SNX29: variants seen among roughly 807,000 people sequenced by gnomAD.
SNX29 encodes the protein sorting nexin 29.
SNX29 carries 78 observed loss-of-function variants against 102.1 expected under a neutral mutation model. That is an observed-to-expected ratio of 0.76 (90% confidence interval 0.64 to 0.92). SNX29 has a LOEUF of 0.92. SNX29 is among the 40% of genes least tolerant of loss of function. SNX29 has a pLI of 0.00. For missense variants in SNX29, 1,280 were observed against 1,061.7 expected (o/e 1.21, Z -2.86); for synonymous variants, 580 against 414.5 (o/e 1.40, Z -4.85).
At chr16:12,431,689 A>C (rs907838080) in intron 18 of SNX29, among the ~76,000 whole-genome samples, 1 of 152,174 alleles carries the variant, frequency 6.6e-6, no homozygotes, top group Non-Finnish European at 1.5e-5. Context: ...GGAAATGATC[A>C]TGAAGAAAAC....
chr16:12,052,092 A>C lies in SNX29; in HGVS notation c.994A>C (p.Asn332His). 2.5e-6 allele frequency: 4 copies of C among 1,613,986 alleles called. No individual in the cohort carries two copies. Among genetic ancestry groups the C allele is most frequent in the Non-Finnish European group, 2.5e-6 (3 of 1,179,864 alleles). The stretch of plus-strand genomic sequence containing the variant: ...ATGGAAAATTGATTCCCTGTCTTTG[A>C]ACGGGGAGTTTGGGTACCAGAAGCT... ...NSWKIDSLSLNGEFGYQKLDV... is the reference protein window; with the variant it reads ...NSWKIDSLSLHGEFGYQKLDV... The change falls in exon 8 of 21, where the codon AAC (asparagine) becomes CAC (histidine). Residue 332 changes from asparagine to histidine, a missense_variant. By Grantham distance (68) the Asn-to-His change is moderately conservative. Coordinates refer to ENST00000566228, the MANE Select transcript of SNX29 (RefSeq NM_032167.5).
In SNX29 at chr16:12,571,581, C is replaced by G. The variant is rs1473964710; in HGVS notation, c.*2952C>G. ...CACCGAATCCTTCTGTCTTCATGGC[C>G]TGCTGTGCTGAAACAGAACAGCAGG... On this transcript the variant is annotated 3_prime_UTR_variant, in exon 21 of 21. Coordinates refer to ENST00000566228, the MANE Select transcript of SNX29 (RefSeq NM_032167.5). 1.1e-5 allele frequency: 12 copies of G among 1,046,754 alleles called. No homozygotes were observed. The African/African-American group carries it at 1.7e-4, about 14-fold the overall frequency. The allele number at this position is 1,046,754 out of a possible 1,614,324, so 64.8% of individuals were successfully genotyped here. A position where few individuals can be genotyped will look rare whatever the true frequency, so the allele number is the denominator to read the frequency against.
At chr16:12,157,643 A>G (rs2055608178) in intron 13 of SNX29, among the ~76,000 whole-genome samples, 2 of 152,192 alleles carry the variant, frequency 1.3e-5, no homozygotes, top group East Asian at 3.8e-4. Context: ...TTTTCAGATG[A>G]AAAAGCAGAG....
chr16:12,512,297 G>C (rs746391105), intron 19 of SNX29, among the ~76,000 whole-genome samples: 2 of 147,614 alleles, frequency 1.4e-5, no homozygotes, highest in Non-Finnish European at 3.0e-5. Flanking sequence ...GATGGTGAGG[G>C]CCCTTGAGTG....
At chr16:12,411,252 C>T (rs942540476) in intron 18 of SNX29, among the ~76,000 whole-genome samples, 27 of 152,178 alleles carry the variant, frequency 1.8e-4, no homozygotes, top group Admixed American at 1.4e-3. Flanking sequence ...CTGAGGCAGC[C>T]GTTTGCTGTT....
At chr16:12,019,328 C>T (rs1342047271) in intron 3 of SNX29, among the ~76,000 whole-genome samples, 5 of 152,074 alleles carry the variant, frequency 3.3e-5, no homozygotes, top group Non-Finnish European at 5.9e-5. Context: ...CTGCTTCAGC[C>T]TCCCGAGTAG....
At chr16:12,489,706 T>C (rs897833807) in intron 19 of SNX29, among the ~76,000 whole-genome samples, 1 of 152,238 alleles carries the variant, frequency 6.6e-6, no homozygotes, top group African/African-American at 2.4e-5. Flanking sequence ...TTTTCTTTTG[T>C]GATTGGTGAC....
intron 15 of SNX29, among the ~76,000 whole-genome samples, chr16:12,316,414 G>A (rs781337575): frequency 1.4e-4 from 21 of 152,124 alleles, no homozygotes; most frequent in Non-Finnish European, 2.5e-4. Flanking sequence ...GTGGTGGCAG[G>A]CACCTGTAAT....
chr16:12,495,256 A>G (rs550853084), intron 19 of SNX29, among the ~76,000 whole-genome samples: 2 of 152,146 alleles, frequency 1.3e-5, no homozygotes, highest in East Asian at 1.9e-4. Flanking sequence ...GGTTCAAGCA[A>G]TCCTCCTGCC....
At chr16:12,564,548 G>C (rs1358197886) in intron 20 of SNX29, among the ~76,000 whole-genome samples, 1 of 152,252 alleles carries the variant, frequency 6.6e-6, no homozygotes, top group South Asian at 2.1e-4. Flanking sequence ...TAAGGCCTTT[G>C]GCAACCCATT....
At chr16:11,998,147 C>T (rs186553350) in intron 1 of SNX29, among the ~76,000 whole-genome samples, 2 of 152,326 alleles carry the variant, frequency 1.3e-5, no homozygotes, top group South Asian at 2.1e-4. Context: ...GTGCAGCCCA[C>T]GTAGAGTTGC....
intron 13 of SNX29, among the ~76,000 whole-genome samples, chr16:12,160,730 AAAGT>A (rs1293691672): frequency 3.9e-5 from 6 of 152,354 alleles, no homozygotes; most frequent in South Asian, 4.1e-4. Flanking sequence ...AGATTAGAAA[AAAGT>A]AAGGAGATTT....
intron 15 of SNX29, among the ~76,000 whole-genome samples, chr16:12,346,518 C>G (rs2151277669): frequency 6.6e-6 from 1 of 152,212 alleles, no homozygotes; most frequent in East Asian, 1.9e-4. Flanking sequence ...GTTTTAATCC[C>G]AAATGGCCTG....
intron 15 of SNX29, among the ~76,000 whole-genome samples, chr16:12,326,238 C>G (rs554701512): frequency 1.3e-5 from 2 of 152,028 alleles, no homozygotes; most frequent in African/African-American, 4.8e-5. Flanking sequence ...TCTTGAACTC[C>G]TGACCTCTCA....
chr16:12,379,440 GA>G (rs2082997665), intron 16 of SNX29, among the ~76,000 whole-genome samples: 1 of 152,218 alleles, frequency 6.6e-6, no homozygotes, highest in African/African-American at 2.4e-5. Flanking sequence ...TTTCTTTAGG[GA>G]AGAAATTGAA....
intron 15 of SNX29, among the ~76,000 whole-genome samples, chr16:12,299,573 A>G (rs554118345): frequency 6.6e-6 from 1 of 152,242 alleles, no homozygotes; most frequent in Non-Finnish European, 1.5e-5. Flanking sequence ...GGGAAAAGGT[A>G]TTTATACAGC....
intron 18 of SNX29, among the ~76,000 whole-genome samples, chr16:12,471,905 A>T (rs1404307969): frequency 6.6e-6 from 1 of 152,220 alleles, no homozygotes; most frequent in South Asian, 2.1e-4. Context: ...ACATTCTACC[A>T]TGTTTTCTCC....
intron 13 of SNX29, among the ~76,000 whole-genome samples, chr16:12,156,669 C>T (rs946787653): frequency 6.6e-6 from 1 of 152,228 alleles, no homozygotes; most frequent in Non-Finnish European, 1.5e-5. Flanking sequence ...TGTTTCTCTA[C>T]CTCTATGGCC....
intron 11 of SNX29, among the ~76,000 whole-genome samples, chr16:12,113,185 C>T (rs2053564576): frequency 6.6e-6 from 1 of 152,214 alleles, no homozygotes; most frequent in Non-Finnish European, 1.5e-5. Flanking sequence ...ATTAGCACGG[C>T]ATCTTTCATT....
Sources: gnomAD v4.1 joint callset for allele counts (sites outside exome capture counted in the v4.1 genomes callset) on GRCh38, gnomAD v4.1.1 for gene constraint, MANE v1.5 for transcripts, NCBI Gene and HGNC (gene_info 2026-07-23, HGNC 2026-07-21) for gene names.